RBFOX1: variants seen among roughly 807,000 people sequenced by gnomAD.
RBFOX1 encodes the protein RNA binding fox-1 homolog 1, also known as RNA binding protein fox-1 homolog 1.
RBFOX1 carries 8 observed loss-of-function variants against 57.7 expected under a neutral mutation model. The ratio of observed to expected loss-of-function variants is 0.14; its 90% confidence interval spans 0.08 to 0.25. The LOEUF (loss-of-function observed/expected upper bound fraction) is 0.25, where lower values mean the gene tolerates loss of function less well. Among genes scored for constraint, RBFOX1 ranks in the 10% least tolerant of loss-of-function variants. The probability of loss-of-function intolerance (pLI) is 1.00; values close to 1 mark genes in which losing one functional copy is unlikely to be tolerated. For missense variants in RBFOX1, 611 were observed against 548.5 expected, an observed-to-expected ratio of 1.11 and a Z score of -1.14; for synonymous variants, 326 against 222.4, an observed-to-expected ratio of 1.47 and a Z score of -4.15.
At chr16:7,038,629 C>G (rs561053184) in intron 3 of RBFOX1, among the ~76,000 whole-genome samples, 5 of 152,260 alleles carry the variant, frequency 3.3e-5, no homozygotes, top group Admixed American at 6.5e-5. Context: ...GCTGCCCTTT[C>G]ATTTCAAGAC....
In RBFOX1 at chr16:5,447,368, C is replaced by G. The variant is rs138089841; in HGVS notation, c.220-19848C>G. On this transcript the variant is annotated intron_variant, in intron 1 of 2. Transcript: ENST00000585867. ...CTGTCTCTCATCATTCAATGTCAAT[C>G]AATCAATCAATCTCTCTCTCTCTCT... Among the ~76,000 whole-genome samples the G allele has an allele frequency of 3.7e-3, 474 of 128,528 alleles. 6 individuals carry two copies. The highest frequency in any genetic ancestry group is 0.013 in the African/African-American group (452 of 34,734). 84.3% of individuals were successfully genotyped at this position (128,528 alleles called of 152,430 possible).
intron 2 of RBFOX1, among the ~76,000 whole-genome samples, chr16:6,328,300 A>G (rs115594693): frequency 0.016 from 2,372 of 152,216 alleles, 56 homozygotes; most frequent in African/African-American, 0.054. Flanking sequence ...AGGGGGATGA[A>G]GGATAAAAGA....
intron 4 of RBFOX1, among the ~76,000 whole-genome samples, chr16:5,949,228 C>T (rs9925566): frequency 0.037 from 5,666 of 152,178 alleles, 350 homozygotes; most frequent in African/African-American, 0.13. Context: ...TCCAAATCCT[C>T]ACAGCTGTCC....
intron 3 of RBFOX1, among the ~76,000 whole-genome samples, chr16:7,000,057 G>T (rs1383903751): frequency 7.2e-6 from 1 of 139,278 alleles, no homozygotes; most frequent in Non-Finnish European, 1.5e-5. Context: ...GGGCAACAGG[G>T]AGACTCTGTT....
intron 4 of RBFOX1, among the ~76,000 whole-genome samples, chr16:7,280,228 A>G (rs1568012078): frequency 1.3e-5 from 2 of 152,178 alleles, no homozygotes; most frequent in African/African-American, 4.8e-5. Flanking sequence ...CCTTGCCTTC[A>G]TTGCAAAATG....
chr16:7,275,516 C>G (rs2095423562), intron 4 of RBFOX1, among the ~76,000 whole-genome samples: 1 of 152,138 alleles, frequency 6.6e-6, no homozygotes, highest in Non-Finnish European at 1.5e-5. Flanking sequence ...GCTTCCATAA[C>G]TATATAGAAT....
intron 3 of RBFOX1, among the ~76,000 whole-genome samples, chr16:5,653,071 G>A (rs1460837347): frequency 6.7e-6 from 1 of 148,170 alleles, no homozygotes; most frequent in Non-Finnish European, 1.5e-5. Context: ...GGGCCTGTGT[G>A]AGCAAGGTGG....
At chr16:7,322,272 G>T (rs1216785888) in intron 4 of RBFOX1, among the ~76,000 whole-genome samples, 2 of 152,218 alleles carry the variant, frequency 1.3e-5, no homozygotes, top group East Asian at 1.9e-4. Context: ...ACAATATGGG[G>T]TGCCTTAGCA....
chr16:6,995,289 CTTGTGTGTGT>C (rs1217657075), intron 3 of RBFOX1, among the ~76,000 whole-genome samples: 14 of 62,116 alleles, frequency 2.3e-4, no homozygotes, highest in Admixed American at 2.2e-3. Flanking sequence ...TGAAAGTAGC[CTTGTGTGTGT>C]GTGTGTGTGT....
chr16:7,610,746 G>C (rs985820431), intron 10 of RBFOX1, among the ~76,000 whole-genome samples: 1 of 152,178 alleles, frequency 6.6e-6, no homozygotes, highest in East Asian at 1.9e-4. Context: ...CTGAAAGTCT[G>C]GCTGGCTTAA....
chr16:6,305,134 T>A (rs1316707151), intron 1 of RBFOX1, among the ~76,000 whole-genome samples: 1 of 152,194 alleles, frequency 6.6e-6, no homozygotes, highest in Non-Finnish European at 1.5e-5. Context: ...TCTCGGGTTA[T>A]CCCAAATCCT....
intron 2 of RBFOX1, among the ~76,000 whole-genome samples, chr16:6,355,534 T>C (rs13334990): frequency 0.35 from 53,865 of 152,050 alleles, 9,875 homozygotes; most frequent in African/African-American, 0.45. Context: ...CAGTCTATTA[T>C]TGAGGGACAT....
At chr16:6,395,616 A>G (rs2092796540) in intron 2 of RBFOX1, among the ~76,000 whole-genome samples, 1 of 152,110 alleles carries the variant, frequency 6.6e-6, no homozygotes, top group African/African-American at 2.4e-5. Context: ...ACAGATTCAT[A>G]ACATTTGGAT....
rs1555542676 is a variant in RBFOX1 at position 7,518,191 on chromosome 16, T to A, written c.72T>A (p.Pro24=). The stretch of plus-strand genomic sequence containing the variant: ...CTGCCCCTGACACAATGGCTCAGCC[T>A]TACGCTTCGGCCCAGTTTGCTCCCC... ...AAAAPDTMAQ[P]YASAQFAPPQ... The change falls in exon 5 of 16, where the codon CCT becomes CCA. Residue 24 remains proline, a synonymous_variant. Coordinates refer to ENST00000550418, the MANE Select transcript of RBFOX1 (RefSeq NM_018723.4). The A allele has an allele frequency of 3.1e-6, 5 of 1,614,008 alleles. No individual in the cohort carries two copies. The highest frequency in any genetic ancestry group is 3.4e-6 in the Non-Finnish European group (4 of 1,179,940).
intron 4 of RBFOX1, among the ~76,000 whole-genome samples, chr16:5,973,282 A>G (rs17718270): frequency 0.02 from 3,044 of 152,228 alleles, 60 homozygotes; most frequent in Middle Eastern, 0.085. Context: ...ATTGATTTAA[A>G]CGTCATATGT....
At chr16:6,754,357 A>G (rs763618864) in intron 3 of RBFOX1, among the ~76,000 whole-genome samples, 1 of 152,164 alleles carries the variant, frequency 6.6e-6, no homozygotes, top group Non-Finnish European at 1.5e-5. Context: ...GAAAAATTTC[A>G]CCTAAATTGG....
At chr16:6,265,884 C>T (rs7194655) in intron 1 of RBFOX1, among the ~76,000 whole-genome samples, 116,034 of 151,846 alleles carry the variant, frequency 0.76, 46,330 homozygotes, top group Non-Finnish European at 0.87. Context: ...CATTTGAAAA[C>T]CCTGTCTTCC....
At chr16:6,937,568 A>C (rs1292212867) in intron 3 of RBFOX1, among the ~76,000 whole-genome samples, 1 of 152,154 alleles carries the variant, frequency 6.6e-6, no homozygotes, top group Non-Finnish European at 1.5e-5. Context: ...CTAGTTTCAC[A>C]CATTTTAGGG....
intron 3 of RBFOX1, among the ~76,000 whole-genome samples, chr16:6,946,548 A>G (rs56202484): frequency 6.6e-6 from 1 of 152,062 alleles, no homozygotes; most frequent in Non-Finnish European, 1.5e-5. Context: ...ACCTTCTTTC[A>G]TAAAAGCTTC....
Sources: allele counts gnomAD v4.1 joint callset (sites outside exome capture counted in the v4.1 genomes callset), GRCh38; gene constraint gnomAD v4.1.1; transcripts MANE v1.5; gene names NCBI Gene and HGNC (gene_info 2026-07-23, HGNC 2026-07-21).